GRIA1: variants seen among roughly 807,000 people sequenced by gnomAD.
GRIA1 encodes glutamate receptor 1.
GRIA1 carries 31 observed loss-of-function variants against 99.2 expected under a neutral mutation model. The observed-to-expected ratio is 0.31, with a 90% confidence interval of 0.23 to 0.42. The LOEUF is 0.42. GRIA1 is among the 10% of genes least tolerant of loss of function. The pLI is 1.00. For missense variants in GRIA1, 782 were observed against 1,157.5 expected (o/e 0.68, Z 4.71); for synonymous variants, 438 against 432.4 (o/e 1.01, Z -0.16).
intron 2 of GRIA1, among the ~76,000 whole-genome samples, chr5:153,615,514 T>C (rs778629305): frequency 6.6e-6 from 1 of 152,168 alleles, no homozygotes; most frequent in Non-Finnish European, 1.5e-5. Context: ...CATGGTGGCC[T>C]GTGCCTGTAA....
chr5:153,534,827 T>C (rs1758414803), intron 2 of GRIA1, among the ~76,000 whole-genome samples: 1 of 152,216 alleles, frequency 6.6e-6, no homozygotes, highest in Non-Finnish European at 1.5e-5. Context: ...GGGATTCATA[T>C]CACTGTCTTC....
chr5:153,674,773 T>A, intron 6 of GRIA1, 112 bp downstream of exon 6: 1 of 1,091,054 alleles, frequency 9.2e-7, no homozygotes, highest in Non-Finnish European at 1.3e-6. Context: ...AGCGAACAAA[T>A]TCAGGGAAAT....
At chr5:153,755,400 C>A (rs528217552) in intron 11 of GRIA1, 16 of 152,390 alleles carry the variant, frequency 1.0e-4, no homozygotes, top group African/African-American at 3.1e-4. Flanking sequence ...CAGTGGCACA[C>A]CCCTGTACTC....
intron 2 of GRIA1, among the ~76,000 whole-genome samples, chr5:153,553,040 C>G (rs895099635): frequency 6.6e-6 from 1 of 152,224 alleles, no homozygotes; most frequent in African/African-American, 2.4e-5. Flanking sequence ...GCCAGGATTA[C>G]AGGCATGAGT....
chr5:153,704,706 C>T (rs1310379877), intron 10 of GRIA1, among the ~76,000 whole-genome samples: 2 of 152,202 alleles, frequency 1.3e-5, no homozygotes, highest in Non-Finnish European at 2.9e-5. Flanking sequence ...AGCAACCTGT[C>T]AAAGTCCTAC....
At chr5:153,642,505 T>A (rs923515736) in intron 2 of GRIA1, among the ~76,000 whole-genome samples, 1 of 151,942 alleles carries the variant, frequency 6.6e-6, no homozygotes, top group African/African-American at 2.4e-5. Flanking sequence ...GGTGGGAGGA[T>A]CGCTTGAGAC....
At chr5:153,725,060 T>C (rs1176934886) in intron 11 of GRIA1, among the ~76,000 whole-genome samples, 1 of 152,132 alleles carries the variant, frequency 6.6e-6, no homozygotes, top group African/African-American at 2.4e-5. Flanking sequence ...CGGCAGAAAC[T>C]CTACAAGCCA....
At chr5:153,759,865 A>G (rs1763064763) in intron 11 of GRIA1, among the ~76,000 whole-genome samples, 1 of 152,192 alleles carries the variant, frequency 6.6e-6, no homozygotes, top group South Asian at 2.1e-4. Context: ...AGTAGGATTC[A>G]GCCCAGGGAT....
intron 2 of GRIA1, among the ~76,000 whole-genome samples, chr5:153,601,790 C>T (rs902964717): frequency 2.6e-5 from 4 of 152,158 alleles, no homozygotes; most frequent in African/African-American, 9.7e-5. Context: ...TTAGAGAGTC[C>T]TAATGCAGAT....
At chr5:153,563,680 T>G (rs1240779125) in intron 2 of GRIA1, among the ~76,000 whole-genome samples, 2 of 152,230 alleles carry the variant, frequency 1.3e-5, no homozygotes, top group African/African-American at 4.8e-5. Context: ...TTCTCTGGAA[T>G]GTACAGTCAG....
chr5:153,754,479 AAG>A (rs1037296218), intron 11 of GRIA1, among the ~76,000 whole-genome samples: 42 of 152,270 alleles, frequency 2.8e-4, no homozygotes, highest in African/African-American at 9.6e-4. Flanking sequence ...CAACAACAAA[AAG>A]AAAAATGTCA....
At chr5:153,661,139 G>A (rs1755341584) in intron 5 of GRIA1, among the ~76,000 whole-genome samples, 1 of 152,164 alleles carries the variant, frequency 6.6e-6, no homozygotes, top group Non-Finnish European at 1.5e-5. Context: ...AAATCTGTCA[G>A]CTCCTTCTGC....
At chr5:153,792,696 CCTTT>C (rs949670658) in intron 13 of GRIA1, among the ~76,000 whole-genome samples, 55 of 150,530 alleles carry the variant, frequency 3.7e-4, no homozygotes, top group African/African-American at 1.2e-3. Context: ...TTCCCTTCTT[CCTTT>C]CTTTCTTTCT....
At chr5:153,726,744 T>A (rs866202880) in intron 11 of GRIA1, among the ~76,000 whole-genome samples, 8 of 152,164 alleles carry the variant, frequency 5.3e-5, no homozygotes, top group Middle Eastern at 3.2e-3. Context: ...GTGGCAATAA[T>A]TAATAGCTTA....
At chr5:153,756,951 C>T (rs943992352) in intron 11 of GRIA1, among the ~76,000 whole-genome samples, 5 of 152,172 alleles carry the variant, frequency 3.3e-5, no homozygotes, top group Non-Finnish European at 7.3e-5. Flanking sequence ...AGTATGACCT[C>T]ACCTAATGGA....
At chr5:153,696,234 C>T (rs1173896090) in intron 8 of GRIA1, among the ~76,000 whole-genome samples, 5 of 152,290 alleles carry the variant, frequency 3.3e-5, no homozygotes, top group African/African-American at 1.2e-4. Flanking sequence ...CTACCCACTT[C>T]GCAGGTTTTG....
intron 13 of GRIA1, among the ~76,000 whole-genome samples, chr5:153,790,279 G>T (rs1175654249): frequency 6.6e-6 from 1 of 152,126 alleles, no homozygotes; most frequent in Non-Finnish European, 1.5e-5. Flanking sequence ...ATCCCATTCT[G>T]TTTTAATTTT....
At chr5:153,718,607 G>C (rs1472416022) in intron 11 of GRIA1, among the ~76,000 whole-genome samples, 1 of 152,168 alleles carries the variant, frequency 6.6e-6, no homozygotes, top group South Asian at 2.1e-4. Flanking sequence ...GAATCATTAT[G>C]AGAATACATG....
chr5:153,741,484 G>T (rs867661898), intron 11 of GRIA1, among the ~76,000 whole-genome samples: 1 of 152,136 alleles, frequency 6.6e-6, no homozygotes, highest in East Asian at 1.9e-4. Context: ...ATTCACAGTT[G>T]CCAAAATATG....
Sources: gnomAD v4.1 joint callset for allele counts (sites outside exome capture counted in the v4.1 genomes callset) on GRCh38, gnomAD v4.1.1 for gene constraint, MANE v1.5 for transcripts, NCBI Gene and HGNC (gene_info 2026-07-23, HGNC 2026-07-21) for gene names.